Variants in SCN7A observed in about 807,000 individuals in gnomAD.
SCN7A encodes sodium voltage-gated channel alpha subunit 7.
In SCN7A, 138 loss-of-function variants were observed where a neutral mutation model predicts 155.2. That is an observed-to-expected ratio of 0.89 (90% CI 0.77 to 1.02). The LOEUF is 1.02. Ranked by LOEUF, SCN7A falls within the 50% of genes least tolerant of loss-of-function variation. The probability of loss-of-function intolerance (pLI) is 0.00; values close to 1 mark genes in which losing one functional copy is unlikely to be tolerated. For synonymous variants in SCN7A, 693 were observed against 649.0 expected (o/e 1.07, Z -1.03); for missense variants, 2,058 against 1,986.6 (o/e 1.04, Z -0.68).
chr2:166,406,016 A>G lies in SCN7A; in HGVS notation c.4613T>C (p.Leu1538Pro). The change falls in exon 26 of 26, where the codon CTT becomes CCT. Residue 1538 changes from leucine (L) to proline (P), a missense_variant. By Grantham distance (98) the Leu-to-Pro change is moderately conservative. Transcript: ENST00000643258. ...DRTQYIDSSK[L>P]SDFAAALDPP... is the part of the protein sequence containing the mutation. ...ATCAAGAGCAGCTGCAAAATCTGAAAGCTTGCTAGAGTCTATGTACTGGGT... is the reference window on the plus strand; with the variant it reads ...ATCAAGAGCAGCTGCAAAATCTGAAGGCTTGCTAGAGTCTATGTACTGGGT... The G allele has an allele frequency of 6.2e-7, 1 of 1,612,920 alleles. No homozygotes were observed. The highest frequency in any genetic ancestry group is 8.5e-7 in the Non-Finnish European group (1 of 1,179,378).
Position 166,465,534 on chromosome 2 carries a change from GA to G in SCN7A, c.872-4del, listed in dbSNP as rs1287926710. 10 of 1,586,044 alleles carry G rather than the reference GA, an allele frequency of 6.3e-6. No individual in the cohort carries two copies. The highest frequency in any genetic ancestry group is 1.3e-5 in the African/African-American group (1 of 74,284). On this transcript the variant is annotated splice_region_variant and splice_polypyrimidine_tract_variant and intron_variant, in intron 8 of 25. Coordinates refer to ENST00000643258, the MANE Select transcript of SCN7A (RefSeq NM_002976.4). ...CAAATAATAAAAGTTTTCTGTTTCT[GA>G]AAAACAGGCAAGAAATGATATTCTA...
At chr2:166,476,356 G>A (rs571752648) in intron 3 of SCN7A, among the ~76,000 whole-genome samples, 2 of 151,998 alleles carry the variant, frequency 1.3e-5, no homozygotes, top group African/African-American at 2.4e-5. Context: ...ATCATTGAAT[G>A]CTCTACAAGA....
intron 15 of SCN7A, among the ~76,000 whole-genome samples, chr2:166,432,975 C>G (rs1461881881): frequency 6.6e-6 from 1 of 152,058 alleles, no homozygotes; most frequent in African/African-American, 2.4e-5. Flanking sequence ...CTTTGATCAA[C>G]AGCTCCTCAA....
chr2:166,434,058 A>C (rs565284447), intron 15 of SCN7A, among the ~76,000 whole-genome samples: 1 of 152,288 alleles, frequency 6.6e-6, no homozygotes, highest in African/African-American at 2.4e-5. Flanking sequence ...TACATAAAAT[A>C]AGTATGTGAG....
chr2:166,436,161 T>C (rs1232107924), intron 15 of SCN7A, among the ~76,000 whole-genome samples: 1 of 152,188 alleles, frequency 6.6e-6, no homozygotes, highest in African/African-American at 2.4e-5. Flanking sequence ...ATTAAGTGAT[T>C]GAAATGGTTT....
intron 1 of SCN7A, among the ~76,000 whole-genome samples, chr2:166,488,107 T>C (rs1703092420): frequency 6.6e-6 from 1 of 152,232 alleles, no homozygotes; most frequent in Non-Finnish European, 1.5e-5. Context: ...GTTGAGAATG[T>C]AGGACTCATA....
At chr2:166,468,143 C>A (rs1166226374) in intron 7 of SCN7A, among the ~76,000 whole-genome samples, 1 of 152,016 alleles carries the variant, frequency 6.6e-6, no homozygotes, top group Non-Finnish European at 1.5e-5. Context: ...TCTATTCTTA[C>A]TTCTCAGTTT....
chr2:166,426,730 G>A (rs1180196919), intron 18 of SCN7A, among the ~76,000 whole-genome samples: 1 of 152,106 alleles, frequency 6.6e-6, no homozygotes, highest in East Asian at 1.9e-4. Flanking sequence ...TAACTGAGGG[G>A]TAAGAGTGTT....
intron 10 of SCN7A, among the ~76,000 whole-genome samples, chr2:166,461,048 CTTTTTTTT>C (rs34717897): frequency 1.7e-4 from 16 of 96,680 alleles, no homozygotes; most frequent in Middle Eastern, 9.4e-3. Context: ...GTAATATTTT[CTTTTTTTT>C]TTTTTTTTTT....
intron 11 of SCN7A, among the ~76,000 whole-genome samples, chr2:166,450,860 T>C (rs1465973480): frequency 6.6e-6 from 1 of 152,166 alleles, no homozygotes; most frequent in Non-Finnish European, 1.5e-5. Flanking sequence ...CTAGAAACTA[T>C]TCTTAGCTGA....
rs377738738 is a variant in SCN7A, at chr2:166,423,327, A to G, written c.2959T>C (p.Trp987Arg). 5.0e-6 allele frequency: 8 copies of G among 1,612,446 alleles called. No homozygotes were observed. The highest frequency in any genetic ancestry group is 6.8e-6 in the Non-Finnish European group (8 of 1,179,164). The part of the protein sequence containing the change: ...YIFILEMLLK[W>R]MAYGFKAYFS... ...TAGGCCTTAAAACCATATGCCATCC[A>G]TTTTAGAAGCATTTCCAGAATGAAG... Residue 987 changes from tryptophan to arginine, a missense_variant, in exon 19 of 26, where the codon TGG (tryptophan) becomes CGG (arginine). Coordinates refer to ENST00000643258, the MANE Select transcript of SCN7A (RefSeq NM_002976.4).
intron 2 of SCN7A, among the ~76,000 whole-genome samples, chr2:166,482,380 C>T (rs998379264): frequency 1.3e-5 from 2 of 152,048 alleles, no homozygotes; most frequent in African/African-American, 4.8e-5. Flanking sequence ...GCCTGTCTTC[C>T]TATTGCATAG....
chr2:166,480,912 T>C (rs553192789), intron 2 of SCN7A, among the ~76,000 whole-genome samples: 1 of 152,258 alleles, frequency 6.6e-6, no homozygotes, highest in East Asian at 1.9e-4. Context: ...TAAGGAAAAA[T>C]GAAGTAAAAT....
intron 7 of SCN7A, 99 bp downstream of exon 7, chr2:166,470,516 T>C: frequency 1.0e-6 from 1 of 989,982 alleles, no homozygotes; most frequent in Non-Finnish European, 1.4e-6. Context: ...GTGGAAACAT[T>C]ATTCAATATT....
intron 20 of SCN7A, among the ~76,000 whole-genome samples, chr2:166,419,634 T>G (rs1431814460): frequency 6.6e-6 from 1 of 152,080 alleles, no homozygotes; most frequent in Non-Finnish European, 1.5e-5. Flanking sequence ...CCCAAATTGC[T>G]AGGATTAGAG....
At position 166,474,321 on chromosome 2, in the gene SCN7A, AT is replaced by A; in HGVS notation, c.257del (p.Asn86IlefsTer40). The stretch of plus-strand genomic sequence containing the variant: ...CCGCATTGAATCTGAAGATTGTTCT[AT>A]TTTTATTTAATACTATGAAAGTCTG... ...KKNTFIVLNK[N>X]RTIFRFNAAS... On this transcript the variant is annotated frameshift_variant, in exon 4 of 26. Coordinates refer to ENST00000643258, the MANE Select transcript of SCN7A (RefSeq NM_002976.4). LOFTEE classifies it high-confidence loss of function. 1.3e-6 allele frequency: 2 copies of A among 1,510,342 alleles called. No homozygotes were observed. The highest frequency in any genetic ancestry group is 2.0e-5 in the Admixed American group (1 of 49,014). 93.6% of individuals were successfully genotyped at this position (1,510,342 alleles called of 1,614,324 possible). A position where few individuals can be genotyped will look rare whatever the true frequency, so the allele number is the denominator to read the frequency against.
chr2:166,479,407 G>A (rs1702871465), intron 2 of SCN7A, among the ~76,000 whole-genome samples: 1 of 152,078 alleles, frequency 6.6e-6, no homozygotes, highest in African/African-American at 2.4e-5. Context: ...GACATTCAAG[G>A]GGAGGATACA....
intron 23 of SCN7A, among the ~76,000 whole-genome samples, chr2:166,411,978 C>A (rs1319726446): frequency 6.6e-6 from 1 of 151,852 alleles, no homozygotes; most frequent in Non-Finnish European, 1.5e-5. Flanking sequence ...TTGTGGAGGC[C>A]CTGAAGAAGC....
At chr2:166,442,050 C>T (rs566256963) in intron 14 of SCN7A, among the ~76,000 whole-genome samples, 2 of 152,172 alleles carry the variant, frequency 1.3e-5, no homozygotes, top group East Asian at 3.9e-4. Flanking sequence ...GGCAAGTATC[C>T]ATTCTTTGTT....
Sources: allele counts gnomAD v4.1 joint callset (sites outside exome capture counted in the v4.1 genomes callset), GRCh38; gene constraint gnomAD v4.1.1; transcripts MANE v1.5; gene names NCBI Gene and HGNC (gene_info 2026-07-23, HGNC 2026-07-21).